The following IQGAP1 variants were observed in gnomAD, a reference collection of about 807,000 sequenced individuals.
IQGAP1 encodes ras GTPase-activating-like protein IQGAP1.
A neutral mutation model predicts 215.6 loss-of-function variants in IQGAP1; 66 were observed. The observed-to-expected ratio is 0.31, with a 90% CI of 0.25 to 0.38. The LOEUF (loss-of-function observed/expected upper bound fraction) is 0.38, where lower values mean the gene tolerates loss of function less well. Ranked by LOEUF, IQGAP1 falls within the 10% of genes least tolerant of loss-of-function variation. The pLI is 1.00. For synonymous variants in IQGAP1, 772 were observed against 728.7 expected, an observed-to-expected ratio of 1.06 and a Z score of -0.96; for missense variants, 1,712 against 1,997.1, an observed-to-expected ratio of 0.86 and a Z score of 2.72.
At chr15:90,435,895 T>A (rs1444951996) in intron 5 of IQGAP1, among the ~76,000 whole-genome samples, 1 of 152,198 alleles carries the variant, frequency 6.6e-6, no homozygotes, top group African/African-American at 2.4e-5. Flanking sequence ...TGGCAACATT[T>A]GATAATATGT....
At chr15:90,429,545 C>A (rs28631867) in intron 3 of IQGAP1, 44 bp from the exon 4 acceptor site, 2 of 1,389,340 alleles carry the variant, frequency 1.4e-6, no homozygotes, top group Admixed American at 2.3e-5. Flanking sequence ...TTAATATTTG[C>A]TTCAATACAG....
At chr15:90,442,788 G>A (rs1965470185) in intron 8 of IQGAP1, among the ~76,000 whole-genome samples, 2 of 152,144 alleles carry the variant, frequency 1.3e-5, no homozygotes, top group African/African-American at 2.4e-5. Flanking sequence ...GGCCAATATG[G>A]TGAAACCCTA....
intron 13 of IQGAP1, among the ~76,000 whole-genome samples, chr15:90,453,501 A>G (rs1307251947): frequency 2.0e-5 from 3 of 152,254 alleles, no homozygotes; most frequent in Non-Finnish European, 4.4e-5. Context: ...AATATGTTAC[A>G]TAGTCAAAAT....
chr15:90,491,225 A>G, intron 33 of IQGAP1, 108 bp from the exon 34 acceptor site: 1 of 882,062 alleles, frequency 1.1e-6, no homozygotes, highest in Admixed American at 2.7e-5. Context: ...TTCTGTTTCA[A>G]GGTTGGAGTT....
In IQGAP1 at chr15:90,448,577, T is replaced by A. The variant is rs1965556215; in HGVS notation, c.918T>A (p.Phe306Leu). The change falls in exon 10 of 38, where the codon TTT becomes TTA. Residue 306 changes from phenylalanine (F) to leucine (L), a missense_variant. Phe to Leu is a conservative substitution (Grantham distance 22). Transcript: ENST00000268182. ...GCTTTTGCCTTTTTTCCTCAGCATT[T>A]TCTGCATTAGCAAATATCGACCTGG... The part of the protein sequence containing the change: ...IQGNINKVNT[F>L]SALANIDLAL... The A allele has an allele frequency of 3.8e-6, 6 of 1,577,300 alleles. No homozygotes were observed. Among genetic ancestry groups the A allele is most frequent in the Non-Finnish European group, 5.2e-6 (6 of 1,162,268 alleles).
Position 90,481,572 on chromosome 15 carries a change from T to C in IQGAP1, c.3330-388T>C, listed in dbSNP as rs570169046. ...CAAGCATCCCTTCGTTTTGGAAGCT[T>C]TCCTTGCTTTTTCCATTCTGAGTTG... is the stretch of plus-strand genomic sequence containing the variant. On this transcript the variant is annotated intron_variant, in intron 26 of 37. Transcript: ENST00000268182. Among the ~76,000 whole-genome samples, 7 of 152,302 alleles carry C rather than the reference T, an allele frequency of 4.6e-5. No homozygotes were observed. The South Asian group carries it at 1.2e-3, about 27-fold the overall frequency.
chr15:90,413,795 A>T (rs1036181392), intron 2 of IQGAP1, among the ~76,000 whole-genome samples: 1 of 152,214 alleles, frequency 6.6e-6, no homozygotes, highest in African/African-American at 2.4e-5. Flanking sequence ...CAACAACCTT[A>T]TGAAGTTTGG....
chr15:90,444,376 G>T (rs1965497940), intron 9 of IQGAP1, among the ~76,000 whole-genome samples: 1 of 151,458 alleles, frequency 6.6e-6, no homozygotes, highest in Non-Finnish European at 1.5e-5. Flanking sequence ...CAAACTCTTG[G>T]GCTCAAACCA....
chr15:90,468,218 A>G (rs1965858505), intron 18 of IQGAP1, among the ~76,000 whole-genome samples: 1 of 152,010 alleles, frequency 6.6e-6, no homozygotes, highest in African/African-American at 2.4e-5. Flanking sequence ...ACAGGCATGC[A>G]CCACACCTGG....
intron 11 of IQGAP1, among the ~76,000 whole-genome samples, 193 bp from the exon 12 acceptor site, chr15:90,452,582 A>G (rs925010654): frequency 1.3e-5 from 2 of 152,214 alleles, no homozygotes; most frequent in Admixed American, 6.5e-5. Flanking sequence ...ATCTTGATTG[A>G]GACATGGTTC....
intron 9 of IQGAP1, among the ~76,000 whole-genome samples, chr15:90,445,389 C>A (rs186903004): frequency 6.6e-6 from 1 of 152,200 alleles, no homozygotes; most frequent in East Asian, 1.9e-4. Context: ...CCAAATTGTA[C>A]CCATCATTCA....
At chr15:90,415,997 A>G (rs1965041463) in intron 2 of IQGAP1, among the ~76,000 whole-genome samples, 4 of 151,668 alleles carry the variant, frequency 2.6e-5, no homozygotes, top group African/African-American at 7.3e-5. Flanking sequence ...CCTTTGTATT[A>G]TGCTGTTCCT....
chr15:90,409,990 A>G (rs987953079), intron 2 of IQGAP1, among the ~76,000 whole-genome samples: 2 of 152,152 alleles, frequency 1.3e-5, no homozygotes, highest in Non-Finnish European at 1.5e-5. Flanking sequence ...ACTTTTTGAT[A>G]GGGTTGTTTG....
At chr15:90,477,026 TA>T (rs1441186054) in intron 24 of IQGAP1, 40 bp from the exon 25 acceptor site, 5 of 1,586,118 alleles carry the variant, frequency 3.2e-6, no homozygotes, top group Non-Finnish European at 4.3e-6. Context: ...TGCCAGCCTT[TA>T]TATTACCTAC....
At chr15:90,437,939 A>G (rs938358844) in intron 5 of IQGAP1, among the ~76,000 whole-genome samples, 2 of 152,174 alleles carry the variant, frequency 1.3e-5, no homozygotes, top group African/African-American at 2.4e-5. Flanking sequence ...TCATATACAC[A>G]TGACTTATAC....
chr15:90,485,073 G>T (rs531824171), intron 30 of IQGAP1, among the ~76,000 whole-genome samples: 1 of 152,150 alleles, frequency 6.6e-6, no homozygotes, highest in South Asian at 2.1e-4. Context: ...CCTTGGAGTG[G>T]ATTTTTCCCT....
At chr15:90,414,300 C>T (rs562300016) in intron 2 of IQGAP1, among the ~76,000 whole-genome samples, 1 of 152,162 alleles carries the variant, frequency 6.6e-6, no homozygotes, top group East Asian at 1.9e-4. Flanking sequence ...GCCTGGACAA[C>T]ATAGTGAAAC....
At position 90,497,229 on chromosome 15, in the gene IQGAP1, C is replaced by T. The variant is rs182937107; in HGVS notation, c.4752-3C>T. 4.0e-6 allele frequency: 6 copies of T among 1,496,854 alleles called. No homozygotes were observed. Among genetic ancestry groups the T allele is most frequent in the African/African-American group, 1.4e-5 (1 of 72,404 alleles). The allele number at this position is 1,496,854 out of a possible 1,614,324, so 92.7% of individuals were successfully genotyped here. On this transcript the variant is annotated splice_region_variant and splice_polypyrimidine_tract_variant and intron_variant, in intron 36 of 37. Coordinates refer to ENST00000268182, the MANE Select transcript of IQGAP1 (RefSeq NM_003870.4). Reference sequence around the variant, plus strand: ...ATACCCTTACGATGTTATCTTTCAACAGGTTTAAAAATGTTATATTTGAAA... The same window carrying T: ...ATACCCTTACGATGTTATCTTTCAATAGGTTTAAAAATGTTATATTTGAAA...
In IQGAP1 at chr15:90,491,148, A is replaced by C. The variant is rs577336066; in HGVS notation, c.4249-185A>C. Among the ~76,000 whole-genome samples the C allele has an allele frequency of 1.3e-4, 20 of 152,320 alleles. No homozygotes were observed. The South Asian group carries it at 4.1e-3, about 32-fold the overall frequency. On this transcript the variant is annotated intron_variant, in intron 33 of 37. Coordinates refer to ENST00000268182, the MANE Select transcript of IQGAP1 (RefSeq NM_003870.4). ...TGTAGATATCATCTCTTCTAGGTGG[A>C]AAGAGATGTGCCTCTGCTTCATGCA... is the stretch of plus-strand genomic sequence containing the variant.
Sources: gnomAD v4.1 joint callset for allele counts (sites outside exome capture counted in the v4.1 genomes callset) on GRCh38, gnomAD v4.1.1 for gene constraint, MANE v1.5 for transcripts, NCBI Gene and HGNC (gene_info 2026-07-23, HGNC 2026-07-21) for gene names.